Variants in XPO6 observed in about 807,000 individuals in gnomAD.
XPO6 encodes the protein exportin 6.
A neutral mutation model predicts 130.0 loss-of-function variants in XPO6; 3 were observed. The observed-to-expected ratio is 0.02, with a 90% CI of 0.01 to 0.06. The LOEUF (loss-of-function observed/expected upper bound fraction) is 0.06. XPO6 is among the 10% of genes least tolerant of loss of function. XPO6 has a pLI of 1.00. For missense variants in XPO6, 970 were observed against 1,393.0 expected, an observed-to-expected ratio of 0.70 and a Z score of 4.83; for synonymous variants, 524 against 548.9, an observed-to-expected ratio of 0.95 and a Z score of 0.63.
At chr16:28,170,059 C>T (rs1050667417) in intron 4 of XPO6, 150 bp from the exon 5 acceptor site, 1 of 1,073,226 alleles carries the variant, frequency 9.3e-7, no homozygotes, top group Non-Finnish European at 1.3e-6. Flanking sequence ...GAGGCCAGCT[C>T]CAATGGCTCA....
chr16:28,137,258 A>G (rs760549386), intron 9 of XPO6, among the ~76,000 whole-genome samples: 5 of 152,234 alleles, frequency 3.3e-5, no homozygotes, highest in Non-Finnish European at 1.5e-5. Context: ...TCAGGGACCA[A>G]GCAGTGATCT....
At chr16:28,121,913 A>C (rs1288220569) in intron 13 of XPO6, 151 bp from the exon 14 acceptor site, 2 of 600,240 alleles carry the variant, frequency 3.3e-6, no homozygotes, top group Non-Finnish European at 6.0e-6. Context: ...TATGCCAAGG[A>C]AATAATCTGA....
At chr16:28,158,043 G>A in intron 6 of XPO6, among the ~76,000 whole-genome samples, 1 of 152,114 alleles carries the variant, frequency 6.6e-6, no homozygotes, top group East Asian at 1.9e-4. Flanking sequence ...CAGAAGTAGA[G>A]GACTAAGGCA....
At chr16:28,171,549 A>G (rs2043450592) in intron 4 of XPO6, among the ~76,000 whole-genome samples, 1 of 151,600 alleles carries the variant, frequency 6.6e-6, no homozygotes, top group African/African-American at 2.4e-5. Flanking sequence ...GGAAAAGCTC[A>G]CCCCTAAAGA....
chr16:28,183,511 C>T (rs1012447513), intron 1 of XPO6: 1 of 151,208 alleles, frequency 6.6e-6, no homozygotes, highest in African/African-American at 2.4e-5. Context: ...AAACCAAATC[C>T]GGGGCATTAC....
intron 1 of XPO6, among the ~76,000 whole-genome samples, chr16:28,205,712 G>T (rs1331345813): frequency 6.6e-6 from 1 of 152,064 alleles, no homozygotes; most frequent in Non-Finnish European, 1.5e-5. Context: ...ACCTCTCAGT[G>T]CACTGAATGT....
intron 12 of XPO6, among the ~76,000 whole-genome samples, chr16:28,127,435 C>G (rs1373680888): frequency 6.6e-6 from 1 of 152,192 alleles, no homozygotes; most frequent in Non-Finnish European, 1.5e-5. Context: ...CTATGTCCAG[C>G]AGCCAGCACA....
At chr16:28,121,848 C>A in intron 13 of XPO6, 86 bp from the exon 14 acceptor site, 1 of 848,662 alleles carries the variant, frequency 1.2e-6, no homozygotes, top group Non-Finnish European at 2.0e-6. Flanking sequence ...CAGCAAAGAG[C>A]GTAAGGGCAG....
At chr16:28,211,231 A>C (rs1236677688) in intron 1 of XPO6, 135 bp downstream of exon 1, 7 of 875,494 alleles carry the variant, frequency 8.0e-6, no homozygotes, top group African/African-American at 1.7e-5. Context: ...CTCTGCACGC[A>C]TGTGTCACCG....
chr16:28,144,750 A>G (rs1385427950), intron 9 of XPO6, among the ~76,000 whole-genome samples: 1 of 152,232 alleles, frequency 6.6e-6, no homozygotes, highest in African/African-American at 2.4e-5. Context: ...GCAGTGTGCC[A>G]AGCATTCTAA....
Position 28,132,397 on chromosome 16 carries a change from C to T in XPO6, c.1543G>A (p.Val515Ile). 4 of 1,601,238 alleles carry T rather than the reference C, an allele frequency of 2.5e-6. No homozygotes were observed. The highest frequency in any genetic ancestry group is 3.4e-6 in the Non-Finnish European group (4 of 1,173,488). ...PTHAFSTLFP[V>I]LQDNLEVYLG... Reference sequence around the variant, plus strand: ...TAAACTTCTAAATTGTCCTGAAGAACAGGGAACTGAAAACAAAGAAACAAA... The same window carrying T: ...TAAACTTCTAAATTGTCCTGAAGAATAGGGAACTGAAAACAAAGAAACAAA... The change falls in exon 12 of 24, where the codon GTT becomes ATT. Residue 515 changes from valine (V) to isoleucine (I), a missense_variant. Val to Ile is a conservative substitution (Grantham distance 29). Transcript: ENST00000304658. The surrounding 1 kb of genome is among the most constrained non-coding windows in gnomAD (Gnocchi z 4.0).
At chr16:28,186,168 C>T (rs565755271) in intron 1 of XPO6, among the ~76,000 whole-genome samples, 1 of 152,126 alleles carries the variant, frequency 6.6e-6, no homozygotes, top group South Asian at 2.1e-4. Flanking sequence ...ACAGCAAACA[C>T]CATCAGGTCT....
At chr16:28,198,249 C>T (rs938737140) in intron 1 of XPO6, among the ~76,000 whole-genome samples, 1 of 151,268 alleles carries the variant, frequency 6.6e-6, no homozygotes, top group Non-Finnish European at 1.5e-5. Flanking sequence ...GTAATCTCAA[C>T]CATATTGAAA....
intron 1 of XPO6, among the ~76,000 whole-genome samples, chr16:28,193,926 C>T (rs1194820134): frequency 1.3e-5 from 2 of 152,144 alleles, no homozygotes; most frequent in Admixed American, 1.3e-4. Context: ...CTTCCACCCC[C>T]AACAGGTGGC....
At chr16:28,142,031 T>C (rs1326266557) in intron 9 of XPO6, among the ~76,000 whole-genome samples, 1 of 152,248 alleles carries the variant, frequency 6.6e-6, no homozygotes, top group Non-Finnish European at 1.5e-5. Flanking sequence ...CTACAATGCT[T>C]ACCACTTTGT....
intron 5 of XPO6, 67 bp from the exon 6 acceptor site, chr16:28,166,652 G>A: frequency 6.5e-7 from 1 of 1,547,072 alleles, no homozygotes; most frequent in South Asian, 1.2e-5. Context: ...CATATTTAGA[G>A]AAAGTTTCTT....
intron 8 of XPO6, among the ~76,000 whole-genome samples, chr16:28,147,882 G>A (rs1297642053): frequency 1.3e-5 from 2 of 152,190 alleles, no homozygotes; most frequent in Non-Finnish European, 2.9e-5. Flanking sequence ...GGAGGCGGAG[G>A]TTGCAGTGAG....
intron 1 of XPO6, among the ~76,000 whole-genome samples, chr16:28,192,248 G>T (rs1231896000): frequency 1.6e-5 from 2 of 123,542 alleles, no homozygotes; most frequent in African/African-American, 6.3e-5. Context: ...GGGTGACAGA[G>T]CAAGACTCCG....
At chr16:28,166,300 G>A (rs1424695944) in intron 6 of XPO6, among the ~76,000 whole-genome samples, 1 of 152,044 alleles carries the variant, frequency 6.6e-6, no homozygotes, top group Non-Finnish European at 1.5e-5. Context: ...AAAAATGAGG[G>A]AAACAACCTA....
Sources: allele counts gnomAD v4.1 joint callset (sites outside exome capture counted in the v4.1 genomes callset), GRCh38; gene constraint gnomAD v4.1.1; non-coding constraint Gnocchi (gnomAD v3.1); transcripts MANE v1.5; gene names NCBI Gene and HGNC (gene_info 2026-07-23, HGNC 2026-07-21).